SLC24A2: variants seen among roughly 807,000 people sequenced by gnomAD.
The protein encoded by SLC24A2 is solute carrier family 24 member 2.
Under a neutral mutation model 62.0 loss-of-function variants are expected in SLC24A2, and 36 were observed. That is an observed-to-expected ratio of 0.58 (90% CI 0.44 to 0.77). SLC24A2 has a LOEUF of 0.77. Ranked by LOEUF, SLC24A2 falls within the 30% of genes least tolerant of loss-of-function variation. The pLI, the probability that SLC24A2 is intolerant of heterozygous loss-of-function variation, is 0.00. For missense variants in SLC24A2, 846 were observed against 817.9 expected (o/e 1.03, Z -0.42); for synonymous variants, 358 against 294.0 (o/e 1.22, Z -2.23).
At chr9:19,638,264 C>G (rs539925270) in intron 2 of SLC24A2, among the ~76,000 whole-genome samples, 1 of 152,124 alleles carries the variant, frequency 6.6e-6, no homozygotes, top group Non-Finnish European at 1.5e-5. Context: ...TTGGAGAGCA[C>G]TGAGTTGGAG....
At chr9:20,053,349 A>T in the SLC24A2 span, among the ~76,000 whole-genome samples, 37 of 152,318 alleles carry the variant, frequency 2.4e-4, no homozygotes, top group Middle Eastern at 6.8e-3. Context: ...ATAGAGGGGC[A>T]TAAAACAAGC....
At chr9:20,245,418 C>G in the SLC24A2 span, among the ~76,000 whole-genome samples, 1 of 152,100 alleles carries the variant, frequency 6.6e-6, no homozygotes, top group African/African-American at 2.4e-5. Flanking sequence ...AGGTGGAAGT[C>G]TATGATGTTT....
the SLC24A2 span, among the ~76,000 whole-genome samples, chr9:20,181,416 T>C: frequency 3.9e-5 from 6 of 152,172 alleles, no homozygotes; most frequent in Admixed American, 6.5e-5. Flanking sequence ...CAAAACGGCA[T>C]GGTACTGGTA....
chr9:20,110,192 G>A, the SLC24A2 span, among the ~76,000 whole-genome samples: 916 of 152,104 alleles, frequency 6.0e-3, 13 homozygotes, highest in African/African-American at 0.021. Flanking sequence ...GATATGTGGG[G>A]TTTTGTAAAC....
At chr9:19,894,412 T>C in the SLC24A2 span, among the ~76,000 whole-genome samples, 2 of 152,246 alleles carry the variant, frequency 1.3e-5, no homozygotes, top group African/African-American at 4.8e-5. Context: ...TTCATCCATA[T>C]GTTATCATTG....
At chr9:20,258,713 T>A in the SLC24A2 span, among the ~76,000 whole-genome samples, 2 of 152,172 alleles carry the variant, frequency 1.3e-5, no homozygotes, top group Non-Finnish European at 2.9e-5. Flanking sequence ...TCACGGGTGT[T>A]CTCAGCCTCC....
chr9:20,263,850 A>G, the SLC24A2 span, among the ~76,000 whole-genome samples: 1 of 47,766 alleles, frequency 2.1e-5, no homozygotes, highest in African/African-American at 1.4e-4. Flanking sequence ...GCCCTCCTGG[A>G]TATCCCACCC....
the SLC24A2 span, among the ~76,000 whole-genome samples, chr9:20,091,334 T>G: frequency 6.6e-6 from 1 of 151,964 alleles, no homozygotes; most frequent in Non-Finnish European, 1.5e-5. Flanking sequence ...AGGCCAACAG[T>G]CAAATTCAGG....
At chr9:20,159,105 AG>A in the SLC24A2 span, among the ~76,000 whole-genome samples, 7 of 151,706 alleles carry the variant, frequency 4.6e-5, no homozygotes, top group Non-Finnish European at 8.9e-5. Context: ...ATTTAAGGAA[AG>A]GAAGCACAAG....
In SLC24A2 at chr9:19,562,060, C is replaced by G. The variant is rs965040576; in HGVS notation, c.1347+11291G>C. Among the ~76,000 whole-genome samples the G allele has an allele frequency of 2.6e-5, 4 of 152,284 alleles. No individual in the cohort carries two copies. The East Asian group carries it at 7.7e-4, about 29-fold the overall frequency. ...TTCTGAAGAGTCTGGTGAAATGCAA[C>G]TGTTATCCCTCACTTTGCATTTTGC... On this transcript the variant is annotated intron_variant, in intron 7 of 10. Transcript: ENST00000341998.
intron 10 of SLC24A2, among the ~76,000 whole-genome samples, chr9:19,518,296 G>A (rs1833031822): frequency 6.6e-6 from 1 of 152,108 alleles, no homozygotes; most frequent in South Asian, 2.1e-4. Flanking sequence ...AGCTAAAGAT[G>A]AAAGATGCAT....
At chr9:19,664,751 C>T (rs549943528) in intron 2 of SLC24A2, among the ~76,000 whole-genome samples, 1 of 152,022 alleles carries the variant, frequency 6.6e-6, no homozygotes, top group Non-Finnish European at 1.5e-5. Context: ...AGATGAAGGC[C>T]ATATGATGAT....
chr9:19,578,743 A>T (rs1026086343), intron 5 of SLC24A2, among the ~76,000 whole-genome samples: 7 of 152,252 alleles, frequency 4.6e-5, no homozygotes, highest in African/African-American at 1.7e-4. Context: ...GGTCATGGTG[A>T]TGACTTGTGT....
At chr9:20,041,809 G>T in the SLC24A2 span, among the ~76,000 whole-genome samples, 7 of 152,252 alleles carry the variant, frequency 4.6e-5, no homozygotes, top group African/African-American at 1.4e-4. Flanking sequence ...GCACAGAAGG[G>T]CTTTGAGCTC....
the SLC24A2 span, among the ~76,000 whole-genome samples, chr9:20,033,618 A>T: frequency 6.6e-6 from 1 of 152,194 alleles, no homozygotes; most frequent in African/African-American, 2.4e-5. Context: ...GGTTACGATG[A>T]TATGCCCAGA....
At chr9:20,079,970 T>C in the SLC24A2 span, among the ~76,000 whole-genome samples, 2 of 151,960 alleles carry the variant, frequency 1.3e-5, no homozygotes, top group African/African-American at 2.4e-5. Context: ...CTCAATGAAA[T>C]AAAAGAGGAT....
At chr9:20,281,554 T>G in the SLC24A2 span, among the ~76,000 whole-genome samples, 1 of 152,214 alleles carries the variant, frequency 6.6e-6, no homozygotes, top group Non-Finnish European at 1.5e-5. Flanking sequence ...TCTTCAAACT[T>G]TATATAAAGG....
the SLC24A2 span, among the ~76,000 whole-genome samples, chr9:20,221,179 A>G: frequency 6.6e-6 from 1 of 152,072 alleles, no homozygotes; most frequent in East Asian, 1.9e-4. Context: ...AGTGCCATGG[A>G]GAAGATAAGA....
chr9:20,263,113 C>T, the SLC24A2 span, among the ~76,000 whole-genome samples: 2 of 152,210 alleles, frequency 1.3e-5, no homozygotes, highest in Non-Finnish European at 2.9e-5. Flanking sequence ...TAGCCCAATA[C>T]CTAACCCATT....
Sources: gnomAD v4.1 joint callset for allele counts (sites outside exome capture counted in the v4.1 genomes callset) on GRCh38, gnomAD v4.1.1 for gene constraint, MANE v1.5 for transcripts, NCBI Gene and HGNC (gene_info 2026-07-23, HGNC 2026-07-21) for gene names.